DMC1: variants seen among roughly 807,000 people sequenced by gnomAD.
The protein encoded by DMC1 is meiotic recombination protein DMC1 homolog.
A neutral mutation model predicts 50.1 loss-of-function variants in DMC1; 27 were observed. That is an observed-to-expected ratio of 0.54 (90% CI 0.40 to 0.74). The LOEUF (loss-of-function observed/expected upper bound fraction) is 0.74, where lower values mean the gene tolerates loss of function less well. Among genes scored for constraint, DMC1 ranks in the 30% least tolerant of loss-of-function variants. DMC1 has a pLI of 0.00. For synonymous variants in DMC1, 148 were observed against 136.1 expected (o/e 1.09, Z -0.61); for missense variants, 295 against 420.2 (o/e 0.70, Z 2.60).
At chr22:38,522,143 A>C (rs2090035944) in intron 12 of DMC1, among the ~76,000 whole-genome samples, 1 of 151,242 alleles carries the variant, frequency 6.6e-6, no homozygotes, top group Non-Finnish European at 1.5e-5. Flanking sequence ...AGTAGAGATG[A>C]GGTTTCACTG....
intron 11 of DMC1, 89 bp downstream of exon 11, chr22:38,538,206 C>T (rs76381638): frequency 1.1e-5 from 11 of 1,028,522 alleles, no homozygotes; most frequent in South Asian, 7.0e-5. Context: ...AAAAAAAAAT[C>T]GCTGCCTCCT....
At chr22:38,545,470 C>T (rs935697993) in intron 8 of DMC1, among the ~76,000 whole-genome samples, 4 of 152,014 alleles carry the variant, frequency 2.6e-5, no homozygotes, top group African/African-American at 7.2e-5. Context: ...TCGCCCAGGC[C>T]GGACTGCAGT....
intron 7 of DMC1, among the ~76,000 whole-genome samples, chr22:38,550,684 AC>A (rs1280604416): frequency 2.0e-5 from 3 of 149,788 alleles, no homozygotes; most frequent in Admixed American, 2.0e-4. Flanking sequence ...TAATCCCAGC[AC>A]TTTGGGAGGC....
chr22:38,551,942 G>A (rs904437187), intron 7 of DMC1, among the ~76,000 whole-genome samples: 3 of 140,980 alleles, frequency 2.1e-5, no homozygotes, highest in Non-Finnish European at 4.5e-5. Flanking sequence ...CTCACTGCAA[G>A]CTCCGCCTCC....
intron 13 of DMC1, among the ~76,000 whole-genome samples, chr22:38,520,418 T>C (rs1447418757): frequency 1.3e-5 from 2 of 152,008 alleles, no homozygotes; most frequent in Non-Finnish European, 2.9e-5. Flanking sequence ...CAGGCAATGG[T>C]GAGATCTCGT....
intron 5 of DMC1, among the ~76,000 whole-genome samples, chr22:38,558,148 G>T (rs978523646): frequency 6.6e-6 from 1 of 150,770 alleles, no homozygotes; most frequent in African/African-American, 2.4e-5. Flanking sequence ...TTTTAGTAGA[G>T]ACAGGGTGAT....
intron 13 of DMC1, among the ~76,000 whole-genome samples, chr22:38,520,507 G>A (rs763511867): frequency 1.3e-5 from 2 of 151,980 alleles, no homozygotes; most frequent in Non-Finnish European, 2.9e-5. Flanking sequence ...ACAGGTGCCT[G>A]CCACCACGCC....
intron 1 of DMC1, among the ~76,000 whole-genome samples, chr22:38,568,925 G>A (rs561361093): frequency 1.3e-5 from 2 of 152,024 alleles, no homozygotes; most frequent in African/African-American, 4.8e-5. Context: ...GGGTGTGGAG[G>A]CTCATGCCTG....
intron 12 of DMC1, among the ~76,000 whole-genome samples, chr22:38,531,298 G>GTATC (rs1207932295): frequency 1.3e-5 from 2 of 152,032 alleles, no homozygotes; most frequent in African/African-American, 4.8e-5. Context: ...TCTAAAGTCT[G>GTATC]TATCTGTAAG....
At chr22:38,556,674 A>G (rs1273820657) in intron 5 of DMC1, among the ~76,000 whole-genome samples, 1 of 152,226 alleles carries the variant, frequency 6.6e-6, no homozygotes, top group Non-Finnish European at 1.5e-5. Context: ...ATTAAATGCA[A>G]CACATATTAA....
At chr22:38,555,892 C>T (rs1292969008) in intron 5 of DMC1, among the ~76,000 whole-genome samples, 1 of 151,172 alleles carries the variant, frequency 6.6e-6, no homozygotes, top group Non-Finnish European at 1.5e-5. Flanking sequence ...AATGCAGTGG[C>T]GTGATCTTGG....
chr22:38,547,059 T>G (rs1248177276), intron 8 of DMC1, among the ~76,000 whole-genome samples: 2 of 152,194 alleles, frequency 1.3e-5, no homozygotes, highest in Non-Finnish European at 2.9e-5. Flanking sequence ...TGATGTACAA[T>G]GTTTTTAGAT....
chr22:38,550,644 A>G (rs1332224578), intron 7 of DMC1, among the ~76,000 whole-genome samples: 2 of 149,522 alleles, frequency 1.3e-5, no homozygotes, highest in African/African-American at 4.9e-5. Context: ...AATAGTCACA[A>G]ATATGGCCGG....
intron 5 of DMC1, among the ~76,000 whole-genome samples, chr22:38,560,507 TA>T (rs908660820): frequency 1.9e-4 from 27 of 143,210 alleles, no homozygotes; most frequent in Admixed American, 2.8e-4. Context: ...TTTAGTGAAT[TA>T]AAAAAAAAAA....
At chr22:38,546,409 T>C (rs2090345594) in intron 8 of DMC1, among the ~76,000 whole-genome samples, 1 of 151,686 alleles carries the variant, frequency 6.6e-6, no homozygotes, top group Non-Finnish European at 1.5e-5. Context: ...AAACTCCAAA[T>C]TGCCCAAACA....
At position 38,567,492 on chromosome 22, in the gene DMC1, A is replaced by G. The variant is rs2090592236; in HGVS notation, c.96+91T>C. 2.7e-6 allele frequency: 3 copies of G among 1,121,910 alleles called. No homozygotes were observed. The South Asian group carries it at 3.7e-5, about 14-fold the overall frequency. The allele number at this position is 1,121,910 out of a possible 1,614,324, so 69.5% of individuals were successfully genotyped here. On this transcript the variant is annotated intron_variant, in intron 3 of 13. Coordinates refer to ENST00000216024, the MANE Select transcript of DMC1 (RefSeq NM_007068.4). ...ACAATGCACAGGACGTCCCCTTGCAACAAAGAATTATCCAGGCCCAAATGT... is the reference window on the plus strand; with the variant it reads ...ACAATGCACAGGACGTCCCCTTGCAGCAAAGAATTATCCAGGCCCAAATGT...
chr22:38,539,699 T>C (rs1454924970), intron 8 of DMC1, among the ~76,000 whole-genome samples: 2 of 152,218 alleles, frequency 1.3e-5, no homozygotes, highest in African/African-American at 4.8e-5. Context: ...CTAGTTTTTA[T>C]GGCCTGTTTT....
the DMC1 span, among the ~76,000 whole-genome samples, chr22:38,513,040 C>T: frequency 6.6e-6 from 1 of 151,498 alleles, no homozygotes; most frequent in African/African-American, 2.4e-5. Context: ...GCCAAGATCA[C>T]ACCACTGCAC....
At chr22:38,551,072 C>A (rs906724833) in intron 7 of DMC1, among the ~76,000 whole-genome samples, 1 of 150,552 alleles carries the variant, frequency 6.6e-6, no homozygotes, top group Non-Finnish European at 1.5e-5. Flanking sequence ...GAAACCCCAT[C>A]TCTACTGAAA....
Sources: gnomAD v4.1 joint callset for allele counts (sites outside exome capture counted in the v4.1 genomes callset) on GRCh38, gnomAD v4.1.1 for gene constraint, MANE v1.5 for transcripts, NCBI Gene and HGNC (gene_info 2026-07-23, HGNC 2026-07-21) for gene names.